MAGI3: variants seen among roughly 807,000 people sequenced by gnomAD.
MAGI3 encodes membrane associated guanylate kinase, WW and PDZ domain containing 3, also known as membrane-associated guanylate kinase, WW and PDZ domain-containing protein 3.
A neutral mutation model predicts 121.8 loss-of-function variants in MAGI3; 43 were observed. The observed-to-expected ratio is 0.35, with a 90% CI of 0.28 to 0.46. The LOEUF (loss-of-function observed/expected upper bound fraction) is 0.46. MAGI3 is among the 20% of genes least tolerant of loss of function. MAGI3 has a pLI of 1.00. For synonymous variants in MAGI3, 553 were observed against 639.3 expected (o/e 0.86, Z 2.04); for missense variants, 1,547 against 1,797.3 (o/e 0.86, Z 2.52).
intron 1 of MAGI3, among the ~76,000 whole-genome samples, chr1:113,534,367 C>T (rs904801204): frequency 1.3e-5 from 2 of 152,104 alleles, no homozygotes; most frequent in African/African-American, 4.8e-5. Context: ...GAGTTAGATC[C>T]TTCTTTCATC....
intron 1 of MAGI3, among the ~76,000 whole-genome samples, chr1:113,512,460 T>A (rs576859935): frequency 2.6e-5 from 4 of 152,360 alleles, no homozygotes; most frequent in Non-Finnish European, 5.9e-5. Context: ...GTTCTTTTTA[T>A]TCTTTCTCCT....
chr1:113,647,944 C>T (rs574061083), intron 12 of MAGI3, among the ~76,000 whole-genome samples: 1 of 145,710 alleles, frequency 6.9e-6, no homozygotes, highest in Non-Finnish European at 1.5e-5. Context: ...TCCCCTGAGA[C>T]AGAGTCTTGC....
intron 1 of MAGI3, among the ~76,000 whole-genome samples, chr1:113,545,959 C>G (rs1316164357): frequency 6.6e-6 from 1 of 152,062 alleles, no homozygotes; most frequent in Non-Finnish European, 1.5e-5. Flanking sequence ...TGTTCATATA[C>G]AAATTGATAA....
intron 1 of MAGI3, among the ~76,000 whole-genome samples, chr1:113,436,604 A>G (rs939418818): frequency 6.6e-6 from 1 of 152,106 alleles, no homozygotes; most frequent in Non-Finnish European, 1.5e-5. Context: ...TTAACCATTG[A>G]GCTGGGTAAT....
chr1:113,522,857 G>C (rs1156296827), intron 1 of MAGI3, among the ~76,000 whole-genome samples: 1 of 152,126 alleles, frequency 6.6e-6, no homozygotes, highest in Non-Finnish European at 1.5e-5. Flanking sequence ...TCTACTAAGA[G>C]TAAGGACATT....
chr1:113,626,046 A>AC (rs1404610769), intron 9 of MAGI3, among the ~76,000 whole-genome samples: 1 of 151,882 alleles, frequency 6.6e-6, no homozygotes, highest in African/African-American at 2.4e-5. Flanking sequence ...GCTCACTGCA[A>AC]CCCCCACCTC....
rs185596474 is a variant in MAGI3, at chr1:113,395,451, T to C, written c.316+4102T>C. On this transcript the variant is annotated intron_variant, in intron 1 of 20. Coordinates refer to ENST00000307546, the MANE Select transcript of MAGI3 (RefSeq NM_001142782.2). ...GGGTTCAGGTTTTGGATTCTGTTCA[T>C]TGACACCTTCAATTCATATGAGTAA... 9.9e-4 allele frequency among the ~76,000 whole-genome samples: 151 copies of C among 151,996 alleles called. 1 individual carries two copies. The highest frequency in any genetic ancestry group is 3.4e-3 in the Middle Eastern group (1 of 294).
At chr1:113,673,286 T>C in intron 18 of MAGI3, 36 bp from the exon 19 acceptor site, 2 of 1,598,792 alleles carry the variant, frequency 1.3e-6, no homozygotes, top group Non-Finnish European at 1.7e-6. Context: ...AAACAGTCCA[T>C]GAGAACTTGC....
chr1:113,487,979 T>C (rs1440200612), intron 1 of MAGI3, among the ~76,000 whole-genome samples: 3 of 152,204 alleles, frequency 2.0e-5, no homozygotes, highest in African/African-American at 7.2e-5. Flanking sequence ...ACTGTAGAAA[T>C]GGTAAAGTTA....
chr1:113,676,034 T>C (rs1490865354), intron 19 of MAGI3, among the ~76,000 whole-genome samples: 2 of 151,414 alleles, frequency 1.3e-5, no homozygotes, highest in East Asian at 3.9e-4. Flanking sequence ...TCCTATCTTC[T>C]CTTCTCTCTC....
chr1:113,669,853 C>T (rs959196179), intron 16 of MAGI3, among the ~76,000 whole-genome samples: 2 of 152,020 alleles, frequency 1.3e-5, no homozygotes, highest in Non-Finnish European at 2.9e-5. Context: ...TTACACAAGG[C>T]AGTGGCATGT....
At chr1:113,492,078 T>C (rs1289219699) in intron 1 of MAGI3, among the ~76,000 whole-genome samples, 1 of 152,136 alleles carries the variant, frequency 6.6e-6, no homozygotes, top group Non-Finnish European at 1.5e-5. Context: ...AAGAAAACTT[T>C]AGGCCAATAT....
chr1:113,391,523 C>T lies in MAGI3; in HGVS notation c.316+174C>T, dbSNP rs1014342570. ...GGTGGCGTTGGTGAGTCCCATTTTG[C>T]CGAAGGGAAAACTGAGCTCTGGCTT... On this transcript the variant is annotated intron_variant, in intron 1 of 20. Coordinates refer to ENST00000307546, the MANE Select transcript of MAGI3 (RefSeq NM_001142782.2). The surrounding 1 kb of genome is among the most constrained non-coding windows in gnomAD (Gnocchi z 4.4). Among the ~76,000 whole-genome samples the T allele has an allele frequency of 6.6e-6, 1 of 152,068 alleles. No homozygotes were observed. The highest frequency in any genetic ancestry group is 2.4e-5 in the African/African-American group (1 of 41,394).
chr1:113,615,308 G>A (rs1650390731), intron 7 of MAGI3, among the ~76,000 whole-genome samples: 1 of 152,018 alleles, frequency 6.6e-6, no homozygotes, highest in Non-Finnish European at 1.5e-5. Context: ...TATGACCATT[G>A]GGATTGCTTT....
rs993953584 is a variant in MAGI3 at position 113,512,782 on chromosome 1, T to C, written c.317-36733T>C. Among the ~76,000 whole-genome samples, 283 of 152,202 alleles carry C rather than the reference T, an allele frequency of 1.9e-3. 1 individual carries two copies. The highest frequency in any genetic ancestry group is 6.8e-3 in the Middle Eastern group (2 of 294). On this transcript the variant is annotated intron_variant, in intron 1 of 20. Coordinates refer to ENST00000307546, the MANE Select transcript of MAGI3 (RefSeq NM_001142782.2). ...TGTTGGAAGTTCTGGCCAGGGCAAT[T>C]AGGCAGGAGAAGGAAATAAAGGGTA...
intron 1 of MAGI3, among the ~76,000 whole-genome samples, chr1:113,511,816 T>C (rs1362989149): frequency 6.6e-6 from 1 of 152,240 alleles, no homozygotes; most frequent in Non-Finnish European, 1.5e-5. Context: ...ATGAATTTAC[T>C]GAAGCTGATA....
At chr1:113,628,037 G>A (rs779890379) in intron 9 of MAGI3, among the ~76,000 whole-genome samples, 83 of 152,002 alleles carry the variant, frequency 5.5e-4, no homozygotes, top group Non-Finnish European at 1.0e-3. Flanking sequence ...TTAATGATCA[G>A]TAAGGACTTA....
intron 9 of MAGI3, among the ~76,000 whole-genome samples, chr1:113,638,049 C>T (rs1221534956): frequency 3.9e-5 from 6 of 152,234 alleles, no homozygotes; most frequent in African/African-American, 1.4e-4. Context: ...GCATTCCTCA[C>T]GTAGTTCTCG....
intron 16 of MAGI3, among the ~76,000 whole-genome samples, chr1:113,666,190 A>G (rs1654036724): frequency 6.6e-6 from 1 of 152,200 alleles, no homozygotes; most frequent in Non-Finnish European, 1.5e-5. Context: ...AGGTGGCTGT[A>G]GCAATTTCTT....
Sources: allele counts gnomAD v4.1 joint callset (sites outside exome capture counted in the v4.1 genomes callset), GRCh38; gene constraint gnomAD v4.1.1; non-coding constraint Gnocchi (gnomAD v3.1); transcripts MANE v1.5; gene names NCBI Gene and HGNC (gene_info 2026-07-23, HGNC 2026-07-21).